MAK: variants seen among roughly 807,000 people sequenced by gnomAD.
The protein encoded by MAK is male germ cell associated kinase.
Under a neutral mutation model 82.6 loss-of-function variants are expected in MAK, and 65 were observed. The observed-to-expected ratio is 0.79, with a 90% CI of 0.64 to 0.97. The LOEUF (loss-of-function observed/expected upper bound fraction) is 0.97, where lower values mean the gene tolerates loss of function less well. MAK is among the 50% of genes least tolerant of loss of function. The probability of loss-of-function intolerance (pLI) is 0.00; values close to 1 mark genes in which losing one functional copy is unlikely to be tolerated. For missense variants in MAK, 703 were observed against 780.2 expected (o/e 0.90, Z 1.18); for synonymous variants, 250 against 274.2 (o/e 0.91, Z 0.87).
chr6:10,808,484 G>A (rs1776668872), intron 6 of MAK, among the ~76,000 whole-genome samples: 1 of 152,176 alleles, frequency 6.6e-6, no homozygotes, highest in Admixed American at 6.5e-5. Flanking sequence ...TGGCTGTCAT[G>A]TAAGCAGCAT....
At chr6:10,781,477 G>A (rs1435915832) in intron 11 of MAK, among the ~76,000 whole-genome samples, 2 of 147,218 alleles carry the variant, frequency 1.4e-5, no homozygotes, top group Non-Finnish European at 3.0e-5. Flanking sequence ...AGGCTGGAGT[G>A]CAATGTCACA....
chr6:10,797,437 T>C (rs905023411), intron 8 of MAK, among the ~76,000 whole-genome samples: 1 of 152,150 alleles, frequency 6.6e-6, no homozygotes, highest in African/African-American at 2.4e-5. Context: ...TACTAGTGTC[T>C]AGTGTCTAGA....
chr6:10,780,063 C>T (rs1773824350), intron 11 of MAK, among the ~76,000 whole-genome samples: 1 of 152,168 alleles, frequency 6.6e-6, no homozygotes, highest in South Asian at 2.1e-4. Context: ...AAATGTCTGT[C>T]CAGGTGACTG....
At chr6:10,773,151 AATGTT>A in intron 12 of MAK, 43 bp from the exon 13 acceptor site, 1 of 1,110,894 alleles carries the variant, frequency 9.0e-7, no homozygotes, top group Non-Finnish European at 1.3e-6. Context: ...TAGTAAGGAG[AATGTT>A]ATAGGAAAAG....
At chr6:10,809,865 C>T (rs1014577484) in intron 5 of MAK, among the ~76,000 whole-genome samples, 4 of 151,830 alleles carry the variant, frequency 2.6e-5, no homozygotes, top group South Asian at 4.2e-4. Flanking sequence ...TTTGGGAGGC[C>T]GAGGTAGGTG....
intron 2 of MAK, among the ~76,000 whole-genome samples, chr6:10,829,841 TTC>T (rs1194850610): frequency 6.6e-6 from 1 of 151,540 alleles, no homozygotes; most frequent in African/African-American, 2.4e-5. Flanking sequence ...CTCGTATATA[TTC>T]TTTTTTTTTT....
intron 14 of MAK, 146 bp downstream of exon 14, chr6:10,769,965 C>T (rs1772840184): frequency 6.8e-7 from 1 of 1,461,930 alleles, no homozygotes; most frequent in Non-Finnish European, 9.3e-7. Context: ...AAAAATAGGA[C>T]ATTTCGGTAA....
intron 8 of MAK, among the ~76,000 whole-genome samples, chr6:10,801,474 A>G (rs916626888): frequency 1.1e-4 from 17 of 152,194 alleles, no homozygotes; most frequent in African/African-American, 4.1e-4. Flanking sequence ...AAGGGATGAT[A>G]CTGTTGTATA....
At chr6:10,824,572 C>G (rs1373201387) in intron 2 of MAK, among the ~76,000 whole-genome samples, 1 of 152,158 alleles carries the variant, frequency 6.6e-6, no homozygotes, top group Non-Finnish European at 1.5e-5. Context: ...CTCCCCTCTC[C>G]TGCCTTGTCA....
At position 10,767,806 on chromosome 6, in the gene MAK, A is replaced by AAC. The variant is rs1554163620; in HGVS notation, c.1792+2304_1792+2305insGT. ...ACTTTGTCTCAAAAAAAAAAAAAAA[A>AAC]AAAAACAAAAACAAAAATCTTGAAG... On this transcript the variant is annotated intron_variant, in intron 14 of 14. Coordinates refer to ENST00000354489, the MANE Select transcript of MAK (RefSeq NM_001242957.3). 3.8e-4 allele frequency among the ~76,000 whole-genome samples: 49 copies of AAC among 129,902 alleles called. 1 individual carries two copies. Among genetic ancestry groups the AAC allele is most frequent in the African/African-American group, 8.5e-4 (30 of 35,100 alleles). The allele number at this position is 129,902 out of a possible 152,430, so 85.2% of individuals were successfully genotyped here. A position where few individuals can be genotyped will look rare whatever the true frequency, so the allele number is the denominator to read the frequency against.
intron 6 of MAK, among the ~76,000 whole-genome samples, 195 bp from the exon 7 acceptor site, chr6:10,804,086 AT>A (rs1776223264): frequency 6.6e-6 from 1 of 152,142 alleles, no homozygotes; most frequent in Non-Finnish European, 1.5e-5. Context: ...ATCACAGACA[AT>A]GAGTGGGGCT....
intron 11 of MAK, among the ~76,000 whole-genome samples, chr6:10,782,577 ATT>A (rs70991043): frequency 0.014 from 1,675 of 116,488 alleles, 8 homozygotes; most frequent in Middle Eastern, 0.058. Flanking sequence ...TCCCAACTGG[ATT>A]TTTTTTTTTT....
intron 4 of MAK, among the ~76,000 whole-genome samples, chr6:10,814,783 T>C (rs972200711): frequency 2.0e-5 from 3 of 152,106 alleles, no homozygotes; most frequent in Non-Finnish European, 4.4e-5. Context: ...TGGTGGCTCA[T>C]GCCTGTAATC....
Position 10,784,632 on chromosome 6 carries a change from T to A in MAK, c.1317-60A>T, listed in dbSNP as rs988856008. On this transcript the variant is annotated intron_variant, in intron 10 of 14. Coordinates refer to ENST00000354489, the MANE Select transcript of MAK (RefSeq NM_001242957.3). ...AACAACGAGAGGATCTCGCCCACCC[T>A]CTGCACATCTCGCCCACCCTCTGCA... 4.2e-6 allele frequency: 6 copies of A among 1,442,488 alleles called. No homozygotes were observed. In the African/African-American group the frequency reaches 9.7e-5, roughly 23 times the overall value. 89.4% of individuals were successfully genotyped at this position (1,442,488 alleles called of 1,614,324 possible).
chr6:10,836,210 C>T (rs1044620647), intron 1 of MAK, among the ~76,000 whole-genome samples: 1 of 152,168 alleles, frequency 6.6e-6, no homozygotes, highest in African/African-American at 2.4e-5. Context: ...ACGGACGTGA[C>T]ATAGATTTTT....
Position 10,822,701 on chromosome 6 carries a change from G to A in MAK, c.102-3761C>T, listed in dbSNP as rs185696343. 1.7e-3 allele frequency among the ~76,000 whole-genome samples: 261 copies of A among 152,104 alleles called. 2 individuals are homozygous for A. Among genetic ancestry groups the A allele is most frequent in the African/African-American group, 5.9e-3 (245 of 41,470 alleles). On this transcript the variant is annotated intron_variant, in intron 2 of 14. Transcript: ENST00000354489. Reference sequence around the variant, plus strand: ...GCCATCTTTTGTCATTTATTAATTCGTCAATATCCACTCCATGCCAGGGCA... The same window carrying A: ...GCCATCTTTTGTCATTTATTAATTCATCAATATCCACTCCATGCCAGGGCA...
chr6:10,837,834 G>GC (rs1246151720), intron 1 of MAK, among the ~76,000 whole-genome samples: 2 of 152,144 alleles, frequency 1.3e-5, no homozygotes, highest in Non-Finnish European at 2.9e-5. Flanking sequence ...ATCCGACTCT[G>GC]CAAACCAGGG....
intron 2 of MAK, among the ~76,000 whole-genome samples, chr6:10,830,139 G>T (rs560076392): frequency 2.7e-4 from 40 of 148,998 alleles, no homozygotes; most frequent in African/African-American, 8.9e-4. Context: ...GTGTGTGTGT[G>T]TGTGTGTGTG....
intron 8 of MAK, among the ~76,000 whole-genome samples, chr6:10,801,197 A>G (rs1376429990): frequency 6.6e-6 from 1 of 152,236 alleles, no homozygotes; most frequent in Non-Finnish European, 1.5e-5. Context: ...GATGACATTT[A>G]GAAAACATTT....
Sources: allele counts gnomAD v4.1 joint callset (sites outside exome capture counted in the v4.1 genomes callset), GRCh38; gene constraint gnomAD v4.1.1; transcripts MANE v1.5; gene names NCBI Gene and HGNC (gene_info 2026-07-23, HGNC 2026-07-21).